SMARCAD1: variants seen among roughly 807,000 people sequenced by gnomAD.
SMARCAD1 encodes the protein SWI/SNF-related matrix-associated actin-dependent regulator of chromatin subfamily A containing DEAD/H box 1.
In SMARCAD1, 25 loss-of-function variants were observed where a neutral mutation model predicts 127.1. The ratio of observed to expected loss-of-function variants is 0.20; its 90% confidence interval spans 0.14 to 0.27. SMARCAD1 has a LOEUF of 0.27. Ranked by LOEUF, SMARCAD1 falls within the 10% of genes least tolerant of loss-of-function variation. The probability of loss-of-function intolerance (pLI) is 1.00; values close to 1 mark genes in which losing one functional copy is unlikely to be tolerated. For synonymous variants in SMARCAD1, 400 were observed against 396.9 expected, an observed-to-expected ratio of 1.01 and a Z score of -0.09; for missense variants, 807 against 1,206.0, an observed-to-expected ratio of 0.67 and a Z score of 4.90.
At chr4:94,243,480 CT>C (rs1217367832) in intron 6 of SMARCAD1, among the ~76,000 whole-genome samples, 3 of 152,154 alleles carry the variant, frequency 2.0e-5, no homozygotes, top group Non-Finnish European at 4.4e-5. Flanking sequence ...CGGCTCAAGT[CT>C]CATGGTCATT....
intron 6 of SMARCAD1, 73 bp from the exon 7 acceptor site, chr4:94,249,581 C>A (rs1748961858): frequency 1.2e-6 from 1 of 816,682 alleles, no homozygotes; most frequent in Admixed American, 1.8e-5. Flanking sequence ...AGTCAAAATA[C>A]AATGATAATT....
chr4:94,281,680 T>A, intron 21 of SMARCAD1, 90 bp downstream of exon 21: 1 of 898,202 alleles, frequency 1.1e-6, no homozygotes. Context: ...TGATAGTATT[T>A]TGTTGTTTTT....
intron 19 of SMARCAD1, among the ~76,000 whole-genome samples, chr4:94,280,179 T>A (rs1463204034): frequency 6.6e-6 from 1 of 152,192 alleles, no homozygotes; most frequent in African/African-American, 2.4e-5. Flanking sequence ...CATTTCTTTT[T>A]AAATTTTTTT....
chr4:94,221,850 C>T (rs1744190904), intron 2 of SMARCAD1, among the ~76,000 whole-genome samples: 1 of 152,104 alleles, frequency 6.6e-6, no homozygotes, highest in African/African-American at 2.4e-5. Flanking sequence ...CGAGAGAAAT[C>T]AGAAGAACTG....
At position 94,233,947 on chromosome 4, in the gene SMARCAD1, T is replaced by C; in HGVS notation, c.369-7T>C. The C allele has an allele frequency of 6.2e-7, 1 of 1,613,422 alleles. No homozygotes were observed. Among genetic ancestry groups the C allele is most frequent in the South Asian group, 1.1e-5 (1 of 91,056 alleles). On this transcript the variant is annotated splice_polypyrimidine_tract_variant and splice_region_variant and intron_variant, in intron 3 of 23. Coordinates refer to ENST00000354268, the MANE Select transcript of SMARCAD1 (RefSeq NM_020159.5). ...AATGTTTTTTGCTCCTCTAAAAATA[T>C]TTTTAGTTCTGAGCCATCTGAAGAT...
chr4:94,275,876 A>T (rs893838085), intron 14 of SMARCAD1, among the ~76,000 whole-genome samples: 25 of 142,922 alleles, frequency 1.7e-4, no homozygotes, highest in African/African-American at 6.6e-4. Flanking sequence ...AGCTTACTGC[A>T]ACCTCTTGCC....
chr4:94,239,990 TG>T, intron 5 of SMARCAD1, among the ~76,000 whole-genome samples: 1 of 152,344 alleles, frequency 6.6e-6, no homozygotes, highest in East Asian at 1.9e-4. Flanking sequence ...GGTTAGTGTT[TG>T]TAGTGACACA....
At chr4:94,223,449 C>T (rs796518576) in intron 2 of SMARCAD1, among the ~76,000 whole-genome samples, 22 of 151,854 alleles carry the variant, frequency 1.4e-4, no homozygotes, top group African/African-American at 4.3e-4. Context: ...GCTGAGATCA[C>T]GCCACTGTAC....
chr4:94,263,769 A>G (rs1486776807), intron 9 of SMARCAD1, among the ~76,000 whole-genome samples: 1 of 151,898 alleles, frequency 6.6e-6, no homozygotes, highest in Non-Finnish European at 1.5e-5. Context: ...GTATTTTCCT[A>G]ATAGATGGTT....
chr4:94,235,009 G>C (rs1746413036), intron 4 of SMARCAD1, among the ~76,000 whole-genome samples: 2 of 152,092 alleles, frequency 1.3e-5, no homozygotes, highest in African/African-American at 2.4e-5. Context: ...TGGATACTCA[G>C]ATTTTTCAAA....
intron 20 of SMARCAD1, among the ~76,000 whole-genome samples, chr4:94,281,011 A>G (rs1753936812): frequency 6.6e-6 from 1 of 152,204 alleles, no homozygotes; most frequent in Non-Finnish European, 1.5e-5. Context: ...TGATGTTTTA[A>G]AAAAATCTTA....
At chr4:94,278,237 A>G (rs1753570311) in intron 16 of SMARCAD1, among the ~76,000 whole-genome samples, 185 bp from the exon 17 acceptor site, 1 of 152,190 alleles carries the variant, frequency 6.6e-6, no homozygotes, top group African/African-American at 2.4e-5. Flanking sequence ...CAAAATACAT[A>G]TGGAGCTTCA....
At chr4:94,254,666 G>A (rs1191967081) in intron 9 of SMARCAD1, among the ~76,000 whole-genome samples, 1 of 151,990 alleles carries the variant, frequency 6.6e-6, no homozygotes, top group East Asian at 1.9e-4. Flanking sequence ...AGACTATATT[G>A]TTTGTTCTAA....
intron 9 of SMARCAD1, chr4:94,253,806 C>T: frequency 1.5e-6 from 1 of 660,682 alleles, no homozygotes; most frequent in Admixed American, 6.2e-5. Flanking sequence ...TATAAGAACT[C>T]TTAAATTTTG....
intron 9 of SMARCAD1, among the ~76,000 whole-genome samples, chr4:94,256,875 TG>T (rs1232070375): frequency 6.6e-6 from 1 of 152,236 alleles, no homozygotes; most frequent in African/African-American, 2.4e-5. Context: ...CTTTGTAGGC[TG>T]CTGCCAGGTA....
At chr4:94,281,646 G>A (rs1322901519) in intron 21 of SMARCAD1, 56 bp downstream of exon 21, 3 of 1,101,962 alleles carry the variant, frequency 2.7e-6, no homozygotes, top group Non-Finnish European at 4.2e-6. Flanking sequence ...TTATTGTTAG[G>A]ATTTTAATTG....
intron 12 of SMARCAD1, among the ~76,000 whole-genome samples, chr4:94,274,013 G>C (rs1014826368): frequency 6.6e-6 from 1 of 152,156 alleles, no homozygotes; most frequent in African/African-American, 2.4e-5. Context: ...AAGAGAAAAT[G>C]AGTACTTTTA....
At chr4:94,236,912 A>G (rs1746746730) in intron 4 of SMARCAD1, 40 bp from the exon 5 acceptor site, 2 of 1,470,772 alleles carry the variant, frequency 1.4e-6, no homozygotes, top group African/African-American at 2.8e-5. Flanking sequence ...TAATTCTTAA[A>G]GTGCTGATTT....
chr4:94,289,711 A>G lies in SMARCAD1; in HGVS notation c.*177A>G, dbSNP rs771297342. On this transcript the variant is annotated 3_prime_UTR_variant, in exon 24 of 24. Coordinates refer to ENST00000354268, the MANE Select transcript of SMARCAD1 (RefSeq NM_020159.5). The stretch of plus-strand genomic sequence containing the variant: ...CTAACTGAATTCTCCAAATACTCAC[A>G]CGTGAAATTTCAAAAAAGAAGCCAC... 1.4e-6 allele frequency: 1 copy of G among 705,764 alleles called. No individual in the cohort carries two copies. Among genetic ancestry groups the G allele is most frequent in the Admixed American group, 2.0e-5 (1 of 49,898 alleles). 43.7% of individuals were successfully genotyped at this position (705,764 alleles called of 1,614,324 possible). A position where few individuals can be genotyped will look rare whatever the true frequency, so the allele number is the denominator to read the frequency against.
Sources: allele counts gnomAD v4.1 joint callset (sites outside exome capture counted in the v4.1 genomes callset), GRCh38; gene constraint gnomAD v4.1.1; transcripts MANE v1.5; gene names NCBI Gene and HGNC (gene_info 2026-07-23, HGNC 2026-07-21).